The following AFG2A variants were observed in gnomAD, a reference collection of about 807,000 sequenced individuals.
The protein encoded by AFG2A is AAA ATPase AFG2A, also known as ATPase family gene 2 protein homolog A.
At chr4:123,094,892 G>C in the AFG2A span, among the ~76,000 whole-genome samples, 1 of 151,074 alleles carries the variant, frequency 6.6e-6, no homozygotes, top group South Asian at 2.1e-4. Flanking sequence ...CACCCACACA[G>C]ACCATCCATG....
the AFG2A span, chr4:122,927,565 C>G: frequency 1.3e-6 from 2 of 1,484,506 alleles, no homozygotes; most frequent in Non-Finnish European, 1.8e-6. Context: ...TTTTTATTTA[C>G]TGCAAAAGAA....
chr4:123,007,957 T>C, the AFG2A span, among the ~76,000 whole-genome samples: 1 of 152,134 alleles, frequency 6.6e-6, no homozygotes, highest in Non-Finnish European at 1.5e-5. Flanking sequence ...GTTGATGCTT[T>C]ATATATTTTG....
chr4:122,996,269 TG>T, the AFG2A span, among the ~76,000 whole-genome samples: 3 of 152,200 alleles, frequency 2.0e-5, no homozygotes, highest in Non-Finnish European at 4.4e-5. Flanking sequence ...TCCATACACA[TG>T]GACTCCAAAT....
the AFG2A span, among the ~76,000 whole-genome samples, chr4:123,082,301 T>C: frequency 6.6e-6 from 1 of 152,142 alleles, no homozygotes; most frequent in Admixed American, 6.5e-5. Flanking sequence ...GAGTCAGTTT[T>C]TGGAAGAAGT....
chr4:123,110,437 A>G, the AFG2A span, among the ~76,000 whole-genome samples: 1 of 152,188 alleles, frequency 6.6e-6, no homozygotes, highest in Non-Finnish European at 1.5e-5. Flanking sequence ...GATTTTCTTC[A>G]TGGAAAACAA....
At chr4:123,013,364 C>G in the AFG2A span, among the ~76,000 whole-genome samples, 1 of 152,174 alleles carries the variant, frequency 6.6e-6, no homozygotes, top group East Asian at 1.9e-4. Flanking sequence ...CAATTGGTAA[C>G]CTTTTTCACC....
the AFG2A span, among the ~76,000 whole-genome samples, chr4:123,082,608 G>T: frequency 6.7e-6 from 1 of 149,512 alleles, no homozygotes; most frequent in Non-Finnish European, 1.5e-5. Flanking sequence ...TGTCAGTCCT[G>T]CAACTTTGTT....
chr4:123,158,640 ATACT>A, the AFG2A span, among the ~76,000 whole-genome samples: 1 of 152,182 alleles, frequency 6.6e-6, no homozygotes, highest in African/African-American at 2.4e-5. Context: ...GTATATAAAC[ATACT>A]TATTATTGCA....
the AFG2A span, among the ~76,000 whole-genome samples, chr4:123,260,381 A>G: frequency 6.6e-6 from 1 of 152,214 alleles, no homozygotes; most frequent in Non-Finnish European, 1.5e-5. Context: ...GGGTCTAATA[A>G]TAGCACAAGA....
chr4:123,221,704 C>A, the AFG2A span, among the ~76,000 whole-genome samples: 1 of 152,042 alleles, frequency 6.6e-6, no homozygotes, highest in African/African-American at 2.4e-5. Flanking sequence ...GTGAGCAGAT[C>A]ACCTGAAGTC....
At chr4:123,033,883 T>G in the AFG2A span, among the ~76,000 whole-genome samples, 1 of 152,122 alleles carries the variant, frequency 6.6e-6, no homozygotes. Context: ...TGAAAAAGTT[T>G]TTGGGGGGCA....
At chr4:123,209,178 C>T in the AFG2A span, among the ~76,000 whole-genome samples, 3 of 152,160 alleles carry the variant, frequency 2.0e-5, no homozygotes, top group Non-Finnish European at 4.4e-5. Context: ...ATTTATAGCT[C>T]ATCAGTCAGA....
chr4:123,297,563 C>CA, the AFG2A span, among the ~76,000 whole-genome samples: 1 of 151,682 alleles, frequency 6.6e-6, no homozygotes, highest in Non-Finnish European at 1.5e-5. Flanking sequence ...ACTAAAAATA[C>CA]AAAAAATTAG....
the AFG2A span, chr4:123,090,657 G>T: frequency 6.2e-7 from 1 of 1,614,058 alleles, no homozygotes; most frequent in East Asian, 2.2e-5. Flanking sequence ...AACAGCTAAA[G>T]GATGTGACCA....
the AFG2A span, among the ~76,000 whole-genome samples, chr4:123,183,685 T>C: frequency 2.0e-5 from 3 of 152,022 alleles, no homozygotes; most frequent in Non-Finnish European, 2.9e-5. Context: ...AAAAGAAAAA[T>C]GGAAAAGAAA....
At chr4:123,133,484 G>T in the AFG2A span, among the ~76,000 whole-genome samples, 1 of 69,478 alleles carries the variant, frequency 1.4e-5, no homozygotes, top group South Asian at 5.6e-4. Context: ...TATCATAGGC[G>T]TGTGCGTGTG....
chr4:123,242,227 A>G, the AFG2A span, among the ~76,000 whole-genome samples: 333 of 152,308 alleles, frequency 2.2e-3, 2 homozygotes, highest in Middle Eastern at 0.014. Context: ...TCAAGCTACC[A>G]ATGATTTTCT....
the AFG2A span, among the ~76,000 whole-genome samples, chr4:123,009,981 C>A: frequency 6.6e-6 from 1 of 152,094 alleles, no homozygotes; most frequent in Non-Finnish European, 1.5e-5. Flanking sequence ...GTGTCAAGAT[C>A]GCTGTGCACA....
chr4:123,255,893 A>G, the AFG2A span: 1 of 1,111,336 alleles, frequency 9.0e-7, no homozygotes, highest in Non-Finnish European at 1.3e-6. Context: ...TACTTGTTTT[A>G]TTTACCAATT....
Sources: allele counts gnomAD v4.1 joint callset (sites outside exome capture counted in the v4.1 genomes callset), GRCh38; gene constraint gnomAD v4.1.1; transcripts MANE v1.5; gene names NCBI Gene and HGNC (gene_info 2026-07-23, HGNC 2026-07-21).